The following CYP4F11 variants were observed in gnomAD, a reference collection of about 807,000 sequenced individuals.
The protein encoded by CYP4F11 is cytochrome P450 family 4 subfamily F member 11.
A neutral mutation model predicts 62.2 loss-of-function variants in CYP4F11; 79 were observed. That is an observed-to-expected ratio of 1.27 (90% CI 1.06 to 1.53). The LOEUF (loss-of-function observed/expected upper bound fraction) is 1.53. CYP4F11 is among the 40% of genes most tolerant of loss of function. CYP4F11 has a pLI of 0.00. For synonymous variants in CYP4F11, 290 were observed against 263.7 expected (o/e 1.10, Z -0.97); for missense variants, 777 against 680.5 (o/e 1.14, Z -1.58).
At chr19:15,933,900 G>GC (rs2089751549) in intron 1 of CYP4F11, among the ~76,000 whole-genome samples, 2 of 142,706 alleles carry the variant, frequency 1.4e-5, no homozygotes, top group African/African-American at 5.6e-5. Flanking sequence ...GAATGAGTGA[G>GC]TGGGCAGAGG....
chr19:15,927,301 G>A lies in CYP4F11; in HGVS notation c.436C>T (p.Arg146Cys), dbSNP rs57519667. 5,477 of 1,614,070 alleles carry A rather than the reference G, an allele frequency of 3.4e-3. 116 individuals carry two copies. In the African/African-American group the frequency reaches 0.057, roughly 17 times the overall value. ...GCAGGCGTCAACATCCGACGGTGGC[G>A]GCTCCACTTGTCACCACCACTCAGC... is the stretch of plus-strand genomic sequence containing the variant. ...LLLSGGDKWS[R>C]HRRMLTPAFH... Residue 146 changes from arginine (R) to cysteine (C), a missense_variant, in exon 4 of 12, where the codon CGC (arginine) becomes TGC (cysteine). Arg to Cys is a radical substitution (Grantham distance 180). Coordinates refer to ENST00000402119, the MANE Select transcript of CYP4F11 (RefSeq NM_021187.4).
chr19:15,922,251 A>G, intron 7 of CYP4F11, 85 bp from the exon 8 acceptor site: 1 of 1,598,152 alleles, frequency 6.3e-7, no homozygotes, highest in South Asian at 1.1e-5. Context: ...GGCCCTCAGG[A>G]GAATGTAGGG....
intron 4 of CYP4F11, among the ~76,000 whole-genome samples, chr19:15,926,363 T>G (rs561131337): frequency 6.6e-6 from 1 of 152,340 alleles, no homozygotes; most frequent in African/African-American, 2.4e-5. Flanking sequence ...CCCAGGACTC[T>G]CGTATCTCCT....
At position 15,912,680 on chromosome 19, in the gene CYP4F11, A is replaced by AATATAT. The variant is rs1555776546; in HGVS notation, c.*1046_*1051dup. On this transcript the variant is annotated 3_prime_UTR_variant, in exon 12 of 12. Coordinates refer to ENST00000402119, the MANE Select transcript of CYP4F11 (RefSeq NM_021187.4). ...TCACCATCCTCAGGAAAAAAAAAAAAATATATATATATATATATGTGTGTG... is the reference window on the plus strand; with the variant it reads ...TCACCATCCTCAGGAAAAAAAAAAAAATATATATATATATATATATATATGTGTGTG... 142 of 66,108 alleles carry AATATAT rather than the reference A, an allele frequency of 2.1e-3. No individual in the cohort carries two copies. Among genetic ancestry groups the AATATAT allele is most frequent in the South Asian group, 4.9e-3 (7 of 1,436 alleles). 4.1% of individuals were successfully genotyped at this position (66,108 alleles called of 1,614,324 possible).
chr19:15,923,702 A>G (rs1873220827), intron 6 of CYP4F11, 110 bp downstream of exon 6: 1 of 1,437,552 alleles, frequency 7.0e-7, no homozygotes, highest in Non-Finnish European at 9.4e-7. Context: ...GTCTTTTTCA[A>G]GCATGTTCCA....
At position 15,912,761 on chromosome 19, in the gene CYP4F11, G is replaced by A. The variant is rs867202034; in HGVS notation, c.*971C>T. On this transcript the variant is annotated 3_prime_UTR_variant, in exon 12 of 12. Transcript: ENST00000402119. The stretch of plus-strand genomic sequence containing the variant: ...TATGTATATATGTGTGTGTGTGTGT[G>A]TGTGTGTGTGTATATATATATATAT... 1.6e-4 allele frequency: 6 copies of A among 38,244 alleles called. No homozygotes were observed. Among genetic ancestry groups the A allele is most frequent in the African/African-American group, 5.1e-4 (5 of 9,868 alleles). The allele number at this position is 38,244 out of a possible 1,614,324, so 2.4% of individuals were successfully genotyped here. A position where few individuals can be genotyped will look rare whatever the true frequency, so the allele number is the denominator to read the frequency against.
chr19:15,920,353 A>C (rs936427549), intron 8 of CYP4F11, among the ~76,000 whole-genome samples: 2 of 152,222 alleles, frequency 1.3e-5, no homozygotes, highest in South Asian at 4.1e-4. Flanking sequence ...GCATGTGTTC[A>C]TATACAGTGG....
rs66488503 is a variant in CYP4F11, at chr19:15,912,669, A to AAAAAAAGG, written c.*1062_*1063insCCTTTTTT. 1 of 18,884 alleles carries AAAAAAAGG rather than the reference A, an allele frequency of 5.3e-5. No individual in the cohort carries two copies. The highest frequency in any genetic ancestry group is 9.1e-5 in the Non-Finnish European group (1 of 10,970). 1.2% of individuals were successfully genotyped at this position (18,884 alleles called of 1,614,324 possible). A position where few individuals can be genotyped will look rare whatever the true frequency, so the allele number is the denominator to read the frequency against. ...GTCAGGTACCTTCACCATCCTCAGG[A>AAAAAAAGG]AAAAAAAAAAAATATATATATATAT... On this transcript the variant is annotated 3_prime_UTR_variant, in exon 12 of 12. Transcript: ENST00000402119.
rs1273905986 is a variant in CYP4F11, at chr19:15,927,203, G to T, written c.525+9C>A. ...GCTCCAGCTGGGACCCAGAGTTCAA[G>T]GGACTCACGTGCATGATGTTCACAC... On this transcript the variant is annotated intron_variant, in intron 4 of 11. Transcript: ENST00000402119. 5 of 1,612,896 alleles carry T rather than the reference G, an allele frequency of 3.1e-6. No homozygotes were observed. Among genetic ancestry groups the T allele is most frequent in the Non-Finnish European group, 4.2e-6 (5 of 1,179,312 alleles).
At chr19:15,926,848 G>GT (rs377663019) in intron 4 of CYP4F11, among the ~76,000 whole-genome samples, 82,470 of 152,058 alleles carry the variant, frequency 0.54, 22,950 homozygotes, top group Non-Finnish European at 0.6. Flanking sequence ...AGAAGAACCA[G>GT]CCAACTGTCT....
rs71178625 is a variant in CYP4F11, at chr19:15,912,668, G to GAAAAAA, written c.*1058_*1063dup. On this transcript the variant is annotated 3_prime_UTR_variant, in exon 12 of 12. Transcript: ENST00000402119. ...AGTCAGGTACCTTCACCATCCTCAGGAAAAAAAAAAAAATATATATATATA... is the reference window on the plus strand; with the variant it reads ...AGTCAGGTACCTTCACCATCCTCAGGAAAAAAAAAAAAAAAAAAATATATATATATA... The GAAAAAA allele has an allele frequency of 6.7e-5, 4 of 59,794 alleles. No homozygotes were observed. Among genetic ancestry groups the GAAAAAA allele is most frequent in the African/African-American group, 3.0e-4 (4 of 13,256 alleles). The allele number at this position is 59,794 out of a possible 1,614,324, so 3.7% of individuals were successfully genotyped here. A position where few individuals can be genotyped will look rare whatever the true frequency, so the allele number is the denominator to read the frequency against.
Position 15,912,805 on chromosome 19 carries a change from T to TATAC in CYP4F11, c.*926_*927insGTAT, listed in dbSNP as rs1183276800. 134 of 101,218 alleles carry TATAC rather than the reference T, an allele frequency of 1.3e-3. 4 individuals are homozygous for TATAC. The highest frequency in any genetic ancestry group is 5.0e-3 in the South Asian group (12 of 2,412). 6.3% of individuals were successfully genotyped at this position (101,218 alleles called of 1,614,324 possible). ...TATATATATAATATATATATATATA[T>TATAC]ACATATCTTATATGCACAGCCCTCT... is the stretch of plus-strand genomic sequence containing the variant. On this transcript the variant is annotated 3_prime_UTR_variant, in exon 12 of 12. Coordinates refer to ENST00000402119, the MANE Select transcript of CYP4F11 (RefSeq NM_021187.4).
chr19:15,924,662 T>A, intron 5 of CYP4F11, 99 bp downstream of exon 5: 1 of 1,478,980 alleles, frequency 6.8e-7, no homozygotes, highest in Non-Finnish European at 9.2e-7. Context: ...AGAAAGTGCC[T>A]TCAGAAAGGC....
Position 15,914,841 on chromosome 19 carries a change from C to T in CYP4F11, c.1170G>A (p.Arg390=), listed in dbSNP as rs45574935. Residue 390 remains arginine (R), a synonymous_variant, in exon 9 of 12, where the codon CGG becomes CGA. Coordinates refer to ENST00000402119, the MANE Select transcript of CYP4F11 (RefSeq NM_021187.4). ...FLTMCIKESL[R]LHPPVPVISR... ...AGATGACCGGGACTGGGGGATGCAA[C>T]CGCAGGCTCTCCTTAATGCACATGG... 4 of 1,614,202 alleles carry T rather than the reference C, an allele frequency of 2.5e-6. No homozygotes were observed. The highest frequency in any genetic ancestry group is 3.4e-6 in the Non-Finnish European group (4 of 1,180,038).
At chr19:15,922,718 G>A (rs542496712) in intron 6 of CYP4F11, among the ~76,000 whole-genome samples, 13 of 152,306 alleles carry the variant, frequency 8.5e-5, no homozygotes, top group Middle Eastern at 3.4e-3. Context: ...CTGGCAACCT[G>A]GGTTACAGCA....
rs761200530 is a variant in CYP4F11, at chr19:15,914,909, C to T, written c.1116-14G>A. On this transcript the variant is annotated splice_polypyrimidine_tract_variant and intron_variant, in intron 8 of 11. Coordinates refer to ENST00000402119, the MANE Select transcript of CYP4F11 (RefSeq NM_021187.4). ...GCCAGGTCGTCCCTAAGAAAACACCCCAGCCCCAATCATTATCAAGGGAAC... is the reference window on the plus strand; with the variant it reads ...GCCAGGTCGTCCCTAAGAAAACACCTCAGCCCCAATCATTATCAAGGGAAC... 6.2e-7 allele frequency: 1 copy of T among 1,613,212 alleles called. No individual in the cohort carries two copies. Among genetic ancestry groups the T allele is most frequent in the African/African-American group, 1.3e-5 (1 of 74,854 alleles).
intron 8 of CYP4F11, among the ~76,000 whole-genome samples, chr19:15,921,820 C>T (rs2089631300): frequency 6.6e-6 from 1 of 152,156 alleles, no homozygotes; most frequent in Non-Finnish European, 1.5e-5. Flanking sequence ...CATCTGCCTT[C>T]ACATGCTGTC....
chr19:15,930,920 C>G (rs2089709276), intron 1 of CYP4F11, among the ~76,000 whole-genome samples: 1 of 152,208 alleles, frequency 6.6e-6, no homozygotes, highest in African/African-American at 2.4e-5. Context: ...TCCTGCAGGC[C>G]AGGCTCTGTG....
intron 8 of CYP4F11, among the ~76,000 whole-genome samples, chr19:15,919,489 TAGATA>T (rs2089608481): frequency 9.0e-6 from 1 of 111,262 alleles, no homozygotes; most frequent in Non-Finnish European, 2.0e-5. Context: ...GATAGATAGA[TAGATA>T]GATAGATAGA....
Sources: gnomAD v4.1 joint callset for allele counts (sites outside exome capture counted in the v4.1 genomes callset) on GRCh38, gnomAD v4.1.1 for gene constraint, MANE v1.5 for transcripts, NCBI Gene and HGNC (gene_info 2026-07-23, HGNC 2026-07-21) for gene names.